TBCE: variants seen among roughly 807,000 people sequenced by gnomAD.
TBCE encodes tubulin folding cofactor E.
In TBCE, 53 loss-of-function variants were observed where a neutral mutation model predicts 77.0. That is an observed-to-expected ratio of 0.69 (90% CI 0.55 to 0.87). The LOEUF is 0.87. TBCE is among the 40% of genes least tolerant of loss of function. TBCE has a pLI of 0.00. For missense variants in TBCE, 624 were observed against 622.4 expected, an observed-to-expected ratio of 1.00 and a Z score of -0.03; for synonymous variants, 235 against 241.3, an observed-to-expected ratio of 0.97 and a Z score of 0.24.
chr1:235,406,125 A>T (rs375093194), intron 3 of TBCE, among the ~76,000 whole-genome samples: 1 of 152,208 alleles, frequency 6.6e-6, no homozygotes, highest in Non-Finnish European at 1.5e-5. Flanking sequence ...GACATTAAAA[A>T]ATTATATGAG....
Position 235,437,309 on chromosome 1 carries a change from T to C in TBCE, c.964-13T>C. ...GTACCGCTTTTCATTTATTTCCTTTTGCTGTGTTTCAGTGGTCGTTTTTCA... is the reference window on the plus strand; with the variant it reads ...GTACCGCTTTTCATTTATTTCCTTTCGCTGTGTTTCAGTGGTCGTTTTTCA... On this transcript the variant is annotated splice_polypyrimidine_tract_variant and intron_variant, in intron 11 of 16. Coordinates refer to ENST00000642610, the MANE Select transcript of TBCE (RefSeq NM_003193.5). 3 of 1,614,062 alleles carry C rather than the reference T, an allele frequency of 1.9e-6. No individual in the cohort carries two copies. The highest frequency in any genetic ancestry group is 2.5e-6 in the Non-Finnish European group (3 of 1,179,956).
chr1:235,405,596 A>G lies in TBCE; in HGVS notation c.185+4009A>G, dbSNP rs921002048. 5.9e-5 allele frequency among the ~76,000 whole-genome samples: 9 copies of G among 151,884 alleles called. No homozygotes were observed. In the South Asian group the frequency reaches 1.0e-3, roughly 18 times the overall value. ...GGTTGCAGTGAGCCAAGATCACACC[A>G]TTGCACTCCAGCTTGGTCAGCAGAG... is the stretch of plus-strand genomic sequence containing the variant. On this transcript the variant is annotated intron_variant, in intron 3 of 16. Transcript: ENST00000642610.
chr1:235,401,310 G>A (rs1200242052), intron 2 of TBCE, among the ~76,000 whole-genome samples, 193 bp from the exon 3 acceptor site: 1 of 152,052 alleles, frequency 6.6e-6, no homozygotes, highest in Non-Finnish European at 1.5e-5. Flanking sequence ...GTTTTTGTTG[G>A]CTTTTTCACC....
At chr1:235,447,742 T>TATC (rs1682495575) in intron 15 of TBCE, among the ~76,000 whole-genome samples, 1 of 152,030 alleles carries the variant, frequency 6.6e-6, no homozygotes, top group Non-Finnish European at 1.5e-5. Flanking sequence ...GTGCTGAGAG[T>TATC]ATCATTCTGG....
chr1:235,379,536 A>G (rs1480450787), intron 1 of TBCE, among the ~76,000 whole-genome samples: 4 of 151,776 alleles, frequency 2.6e-5, no homozygotes, highest in Non-Finnish European at 4.4e-5. Flanking sequence ...TTAAAAAACA[A>G]CAACAAGAAC....
intron 5 of TBCE, among the ~76,000 whole-genome samples, chr1:235,421,482 C>T (rs1354097725): frequency 6.6e-6 from 1 of 151,898 alleles, no homozygotes; most frequent in African/African-American, 2.4e-5. Context: ...CCGAGGTGGG[C>T]GGATCATCTG....
chr1:235,379,562 C>T (rs936470657), intron 1 of TBCE, among the ~76,000 whole-genome samples: 17 of 151,690 alleles, frequency 1.1e-4, no homozygotes, highest in African/African-American at 4.1e-4. Context: ...AAACACATTT[C>T]TAGCGCAAAT....
chr1:235,422,831 A>G lies in TBCE; in HGVS notation c.460+3270A>G, dbSNP rs556421154. Among the ~76,000 whole-genome samples, 107 of 152,264 alleles carry G rather than the reference A, an allele frequency of 7.0e-4. 1 individual carries two copies. The highest frequency in any genetic ancestry group is 2.5e-3 in the African/African-American group (104 of 41,578). On this transcript the variant is annotated intron_variant, in intron 5 of 16. Coordinates refer to ENST00000642610, the MANE Select transcript of TBCE (RefSeq NM_003193.5). ...GCGACAAGAGCGAGACTCCGTCTCA[A>G]AAAAAAGGACAGATGTGGCGGTAAA...
chr1:235,441,813 G>C lies in TBCE; in HGVS notation c.1271-1G>C. ...TTCATCTCTTTTGCTTTCTTAAACA[G>C]AATATGGTGCACCTGAAGATTGGGA... On this transcript the variant is annotated splice_acceptor_variant, in intron 13 of 16. Transcript: ENST00000642610. LOFTEE classifies it high-confidence loss of function. The C allele has an allele frequency of 1.2e-6, 2 of 1,613,830 alleles. No individual in the cohort carries two copies.
At chr1:235,446,079 G>A (rs1682251571) in intron 15 of TBCE, among the ~76,000 whole-genome samples, 2 of 152,190 alleles carry the variant, frequency 1.3e-5, no homozygotes, top group Admixed American at 6.5e-5. Context: ...ACTGGGCAGT[G>A]TATGGCTAGA....
intron 1 of TBCE, among the ~76,000 whole-genome samples, chr1:235,369,309 C>T (rs966773090): frequency 1.3e-5 from 2 of 149,600 alleles, no homozygotes; most frequent in Non-Finnish European, 3.0e-5. Flanking sequence ...GAGGTCGAGA[C>T]CATCCTGGCC....
chr1:235,448,496 C>T, intron 16 of TBCE, 56 bp downstream of exon 16: 2 of 1,529,680 alleles, frequency 1.3e-6, no homozygotes, highest in Non-Finnish European at 9.1e-7. Context: ...CGTATTATGA[C>T]ATTAAACTGT....
chr1:235,406,004 T>G (rs1679404118), intron 3 of TBCE, among the ~76,000 whole-genome samples: 1 of 152,244 alleles, frequency 6.6e-6, no homozygotes, highest in Admixed American at 6.5e-5. Flanking sequence ...AATAACTGCT[T>G]ACTTCATTAT....
intron 2 of TBCE, among the ~76,000 whole-genome samples, chr1:235,392,253 G>C (rs1678432943): frequency 6.6e-6 from 1 of 152,086 alleles, no homozygotes; most frequent in Admixed American, 6.6e-5. Context: ...TACTTGGGAA[G>C]CTGAAATGGG....
At chr1:235,426,430 A>C (rs970082928) in intron 5 of TBCE, among the ~76,000 whole-genome samples, 2 of 152,082 alleles carry the variant, frequency 1.3e-5, no homozygotes, top group African/African-American at 4.8e-5. Context: ...ATTTATCTGG[A>C]GATTCCTATG....
At chr1:235,428,736 C>T (rs1431627198) in intron 6 of TBCE, among the ~76,000 whole-genome samples, 4 of 151,002 alleles carry the variant, frequency 2.6e-5, no homozygotes, top group African/African-American at 9.7e-5. Flanking sequence ...CTCTGCCTCC[C>T]GGGTTTGAGC....
At chr1:235,435,872 T>A in intron 9 of TBCE, 32 bp downstream of exon 9, 1 of 1,567,684 alleles carries the variant, frequency 6.4e-7, no homozygotes, top group Non-Finnish European at 8.8e-7. Flanking sequence ...GATACAATAG[T>A]GTTCAGTCAA....
Position 235,451,266 on chromosome 1 carries a change from A to C in TBCE, c.*2504A>C, listed in dbSNP as rs1021528737. ...GATGGAAAGGAGTCTCTCTCCCCTCAGTGCCTACCCACAGCTTGCACTTAG... is the reference window on the plus strand; with the variant it reads ...GATGGAAAGGAGTCTCTCTCCCCTCCGTGCCTACCCACAGCTTGCACTTAG... On this transcript the variant is annotated 3_prime_UTR_variant, in exon 17 of 17. Coordinates refer to ENST00000642610, the MANE Select transcript of TBCE (RefSeq NM_003193.5). The C allele has an allele frequency of 6.6e-6, 1 of 152,216 alleles. No homozygotes were observed. The highest frequency in any genetic ancestry group is 2.4e-5 in the African/African-American group (1 of 41,432). 9.4% of individuals were successfully genotyped at this position (152,216 alleles called of 1,614,324 possible). A position where few individuals can be genotyped will look rare whatever the true frequency, so the allele number is the denominator to read the frequency against.
At chr1:235,442,998 T>C in intron 15 of TBCE, 87 bp downstream of exon 15, 1 of 1,326,788 alleles carries the variant, frequency 7.5e-7, no homozygotes, top group South Asian at 1.2e-5. Context: ...TTAACTCATG[T>C]CTCAAAGTGT....
Sources: allele counts gnomAD v4.1 joint callset (sites outside exome capture counted in the v4.1 genomes callset), GRCh38; gene constraint gnomAD v4.1.1; transcripts MANE v1.5; gene names NCBI Gene and HGNC (gene_info 2026-07-23, HGNC 2026-07-21).